Variants in PPP2R3A observed in about 807,000 individuals in gnomAD.
PPP2R3A encodes serine/threonine-protein phosphatase 2A regulatory subunit B'' subunit alpha.
In PPP2R3A, 80 loss-of-function variants were observed where a neutral mutation model predicts 106.9. That is an observed-to-expected ratio of 0.75 (90% CI 0.62 to 0.90). The LOEUF is 0.90. Ranked by LOEUF, PPP2R3A falls within the 40% of genes least tolerant of loss-of-function variation. The pLI is 0.00. For missense variants in PPP2R3A, 1,386 were observed against 1,350.4 expected, an observed-to-expected ratio of 1.03 and a Z score of -0.41; for synonymous variants, 483 against 468.3, an observed-to-expected ratio of 1.03 and a Z score of -0.41.
At chr3:135,973,923 C>T (rs1937320778) in intron 1 of PPP2R3A, among the ~76,000 whole-genome samples, 1 of 152,180 alleles carries the variant, frequency 6.6e-6, no homozygotes, top group African/African-American at 2.4e-5. Context: ...GACTCCAGTT[C>T]CTTTTCCACC....
At position 136,144,552 on chromosome 3, in the gene PPP2R3A, TGAG is replaced by T. The variant is rs376279280; in HGVS notation, c.3330-486_3330-484del. On this transcript the variant is annotated intron_variant, in intron 13 of 13. Coordinates refer to ENST00000264977, the MANE Select transcript of PPP2R3A (RefSeq NM_002718.5). ...GGCGCATGCATGTAGTCCCAGCTAC[TGAG>T]GAGGCTGAGGCAGGAGAATCGCCTG... Among the ~76,000 whole-genome samples the T allele has an allele frequency of 8.6e-5, 13 of 151,946 alleles. No homozygotes were observed. In the South Asian group the frequency reaches 1.3e-3, roughly 15 times the overall value.
At chr3:135,982,110 A>G (rs1327913521) in intron 1 of PPP2R3A, among the ~76,000 whole-genome samples, 1 of 151,736 alleles carries the variant, frequency 6.6e-6, no homozygotes, top group Non-Finnish European at 1.5e-5. Flanking sequence ...GGTCAAAATT[A>G]AGAGATATTT....
In PPP2R3A at chr3:136,069,506, A is replaced by G. The variant is rs544005395; in HGVS notation, c.2470-972A>G. On this transcript the variant is annotated intron_variant, in intron 5 of 13. Transcript: ENST00000264977. ...GGATGAGAATCCCTTGAACTTGGAGAGGCAGAGGTTGTCATAAGCTGAGAT... is the reference window on the plus strand; with the variant it reads ...GGATGAGAATCCCTTGAACTTGGAGGGGCAGAGGTTGTCATAAGCTGAGAT... 2.6e-5 allele frequency among the ~76,000 whole-genome samples: 4 copies of G among 152,272 alleles called. No homozygotes were observed. The East Asian group carries it at 7.7e-4, about 29-fold the overall frequency.
Position 136,014,622 on chromosome 3 carries a change from C to T in PPP2R3A, c.1995+11129C>T, listed in dbSNP as rs112628463. On this transcript the variant is annotated intron_variant, in intron 2 of 13. Transcript: ENST00000264977. ...AAGGGGTTGAGTTCTTGATTTGATT[C>T]TCAGCTTGGTCTCAGTTGGTGTATA... Among the ~76,000 whole-genome samples, 13 of 152,042 alleles carry T rather than the reference C, an allele frequency of 8.6e-5. 1 individual carries two copies. Among genetic ancestry groups the T allele is most frequent in the African/African-American group, 2.9e-4 (12 of 41,476 alleles).
chr3:136,028,819 GGTT>G (rs967378669), intron 3 of PPP2R3A, among the ~76,000 whole-genome samples: 4 of 152,168 alleles, frequency 2.6e-5, no homozygotes, highest in Middle Eastern at 3.4e-3. Context: ...ATGCCAACAG[GGTT>G]GTTGTTGTTG....
chr3:136,031,984 C>T (rs894203754), intron 3 of PPP2R3A, among the ~76,000 whole-genome samples: 22 of 152,028 alleles, frequency 1.4e-4, no homozygotes, highest in South Asian at 1.0e-3. Context: ...GTTGGCCATG[C>T]GGGCTCTTTT....
At chr3:136,018,135 C>T (rs546152385) in intron 2 of PPP2R3A, among the ~76,000 whole-genome samples, 5 of 152,238 alleles carry the variant, frequency 3.3e-5, no homozygotes, top group Admixed American at 6.5e-5. Context: ...GGCACAGTGC[C>T]ATGTGCCTGT....
intron 13 of PPP2R3A, among the ~76,000 whole-genome samples, chr3:136,137,739 C>T (rs997887721): frequency 2.6e-5 from 4 of 151,872 alleles, no homozygotes; most frequent in Admixed American, 6.6e-5. Flanking sequence ...GACGGGGTTT[C>T]ACCGTGTTAG....
intron 13 of PPP2R3A, among the ~76,000 whole-genome samples, chr3:136,140,673 C>T (rs1046083298): frequency 3.3e-5 from 5 of 150,342 alleles, no homozygotes; most frequent in Non-Finnish European, 5.9e-5. Context: ...GCTTGAACCC[C>T]GGAGGCAGAG....
intron 10 of PPP2R3A, among the ~76,000 whole-genome samples, chr3:136,098,223 A>G (rs904797100): frequency 6.6e-6 from 1 of 152,210 alleles, no homozygotes; most frequent in Admixed American, 6.5e-5. Flanking sequence ...GGCTGAGGCA[A>G]GAGTCTCACT....
chr3:136,091,431 CAT>C (rs1937092730), intron 10 of PPP2R3A, among the ~76,000 whole-genome samples: 1 of 152,088 alleles, frequency 6.6e-6, no homozygotes, highest in African/African-American at 2.4e-5. Flanking sequence ...GCCTGGGAAA[CAT>C]AACGAGACTC....
At position 135,997,928 on chromosome 3, in the gene PPP2R3A, G is replaced by A. The variant is rs1933465447; in HGVS notation, c.-440-3131G>A. Among the ~76,000 whole-genome samples the A allele has an allele frequency of 3.3e-5, 5 of 152,216 alleles. No homozygotes were observed. The South Asian group carries it at 1.0e-3, about 32-fold the overall frequency. ...TGGTTCCTATCTATCCTCCACTCAGGTGCTACAGTGATCTTTCTGTAACAA... is the reference window on the plus strand; with the variant it reads ...TGGTTCCTATCTATCCTCCACTCAGATGCTACAGTGATCTTTCTGTAACAA... On this transcript the variant is annotated intron_variant, in intron 1 of 13. Transcript: ENST00000264977.
At chr3:135,977,452 C>G (rs558033180) in intron 1 of PPP2R3A, among the ~76,000 whole-genome samples, 2 of 152,288 alleles carry the variant, frequency 1.3e-5, no homozygotes, top group Admixed American at 6.5e-5. Context: ...TGGTCATGAT[C>G]TGTAATCATT....
chr3:136,140,679 C>CA (rs1193326292), intron 13 of PPP2R3A, among the ~76,000 whole-genome samples: 1 of 150,414 alleles, frequency 6.6e-6, no homozygotes, highest in Non-Finnish European at 1.5e-5. Context: ...ACCCCGGAGG[C>CA]AGAGTTTGCA....
intron 1 of PPP2R3A, among the ~76,000 whole-genome samples, chr3:135,978,085 G>A (rs1230982178): frequency 6.6e-6 from 1 of 152,056 alleles, no homozygotes; most frequent in Non-Finnish European, 1.5e-5. Context: ...GGGTGTTTCT[G>A]TACTCTTTGC....
At chr3:136,016,614 T>C (rs959882195) in intron 2 of PPP2R3A, among the ~76,000 whole-genome samples, 1 of 152,168 alleles carries the variant, frequency 6.6e-6, no homozygotes, top group African/African-American at 2.4e-5. Flanking sequence ...CTGTTTTATC[T>C]GATATAAGAA....
intron 2 of PPP2R3A, among the ~76,000 whole-genome samples, chr3:136,013,707 G>GT (rs1269629920): frequency 6.6e-6 from 1 of 151,878 alleles, no homozygotes; most frequent in Non-Finnish European, 1.5e-5. Context: ...GGATTGTTTG[G>GT]TTTTTTCTTG....
intron 10 of PPP2R3A, among the ~76,000 whole-genome samples, chr3:136,097,222 A>G (rs549366049): frequency 3.3e-5 from 5 of 152,232 alleles, no homozygotes; most frequent in Admixed American, 3.3e-4. Context: ...ATCTGCAATG[A>G]AAGAAACTTT....
intron 1 of PPP2R3A, among the ~76,000 whole-genome samples, chr3:135,966,268 A>G (rs1937081407): frequency 6.6e-6 from 1 of 152,182 alleles, no homozygotes; most frequent in African/African-American, 2.4e-5. Flanking sequence ...TTTTGGAAGA[A>G]CTGAGAGTCA....
Sources: allele counts gnomAD v4.1 joint callset (sites outside exome capture counted in the v4.1 genomes callset), GRCh38; gene constraint gnomAD v4.1.1; transcripts MANE v1.5; gene names NCBI Gene and HGNC (gene_info 2026-07-23, HGNC 2026-07-21).